The following CCDC38 variants were observed in gnomAD, a reference collection of about 807,000 sequenced individuals.
The protein encoded by CCDC38 is coiled-coil domain-containing protein 38.
A neutral mutation model predicts 72.8 loss-of-function variants in CCDC38; 69 were observed. The ratio of observed to expected loss-of-function variants is 0.95; its 90% CI spans 0.78 to 1.16. The LOEUF is 1.16. Ranked by LOEUF, CCDC38 falls within the 50% of genes most tolerant of loss-of-function variation. The pLI is 0.00. For missense variants in CCDC38, 626 were observed against 638.9 expected (o/e 0.98, Z 0.22); for synonymous variants, 201 against 213.2 (o/e 0.94, Z 0.50).
intron 2 of CCDC38, among the ~76,000 whole-genome samples, chr12:95,932,644 G>A (rs1424404307): frequency 6.6e-6 from 1 of 152,128 alleles, no homozygotes; most frequent in Non-Finnish European, 1.5e-5. Context: ...AATTAATAGA[G>A]AGATGAGTCA....
chr12:95,916,816 G>C (rs923958739), intron 4 of CCDC38, among the ~76,000 whole-genome samples: 6 of 152,088 alleles, frequency 3.9e-5, no homozygotes, highest in Non-Finnish European at 7.3e-5. Context: ...TTGACATCTA[G>C]AACTGAGTAT....
chr12:95,942,712 C>G (rs2080467062), upstream of CCDC38: 1 of 152,412 alleles, frequency 6.6e-6, no homozygotes, highest in South Asian at 2.1e-4. Flanking sequence ...CCTCCGCGTC[C>G]CGGGCTCCCG....
Position 95,897,764 on chromosome 12 carries a change from T to G in CCDC38, c.614+621A>C, listed in dbSNP as rs73229408. The stretch of plus-strand genomic sequence containing the variant: ...CTTTATAGATCTTAGTTTTTTATTT[T>G]TATTTATTTTTACTAAAGATGGGGT... On this transcript the variant is annotated intron_variant, in intron 7 of 15. Coordinates refer to ENST00000344280, the MANE Select transcript of CCDC38 (RefSeq NM_182496.3). Among the ~76,000 whole-genome samples the G allele has an allele frequency of 7.1e-3, 1,079 of 152,254 alleles. 6 individuals carry two copies. The highest frequency in any genetic ancestry group is 0.02 in the Middle Eastern group (6 of 294).
At chr12:95,890,594 A>G (rs566431588) in intron 9 of CCDC38, among the ~76,000 whole-genome samples, 4 of 152,234 alleles carry the variant, frequency 2.6e-5, no homozygotes, top group Non-Finnish European at 5.9e-5. Context: ...TGTGCTGGCC[A>G]GCCAGGGTAT....
At chr12:95,892,475 T>C (rs1015062009) in intron 8 of CCDC38, among the ~76,000 whole-genome samples, 6 of 151,502 alleles carry the variant, frequency 4.0e-5, no homozygotes, top group Admixed American at 3.3e-4. Flanking sequence ...GTAGAGACTA[T>C]GTCTCACTAT....
intron 13 of CCDC38, among the ~76,000 whole-genome samples, chr12:95,874,407 CT>C (rs1204132229): frequency 1.3e-5 from 2 of 152,036 alleles, no homozygotes; most frequent in East Asian, 1.9e-4. Flanking sequence ...CCCCCTCCCC[CT>C]TTTTTTCTTA....
intron 7 of CCDC38, 59 bp downstream of exon 7, chr12:95,898,326 T>G: frequency 1.3e-6 from 2 of 1,497,476 alleles, no homozygotes; most frequent in South Asian, 2.3e-5. Flanking sequence ...TTACCTGGCA[T>G]GAATAGGTTT....
intron 4 of CCDC38, among the ~76,000 whole-genome samples, chr12:95,909,658 C>A (rs1592786441): frequency 7.9e-6 from 1 of 125,806 alleles, no homozygotes; most frequent in Non-Finnish European, 1.9e-5. Context: ...CTCAAAAAAA[C>A]ACTAGCAAAC....
Position 95,895,034 on chromosome 12 carries a change from CCTGTGCT to C in CCDC38, c.720_726del (p.Ala241HisfsTer14). 2 of 1,611,624 alleles carry C rather than the reference CCTGTGCT, an allele frequency of 1.2e-6. No individual in the cohort carries two copies. Among genetic ancestry groups the C allele is most frequent in the Non-Finnish European group, 1.7e-6 (2 of 1,179,172 alleles). On this transcript the variant is annotated frameshift_variant, in exon 8 of 16. Coordinates refer to ENST00000344280, the MANE Select transcript of CCDC38 (RefSeq NM_182496.3). LOFTEE classifies it high-confidence loss of function. ...ATGATATTTGCTTTACTTTTTGATGCCTGTGCTCTTTTTAGTGCTTGCTGGATTTGCC... is the reference window on the plus strand; with the variant it reads ...ATGATATTTGCTTTACTTTTTGATGCCTTTTTAGTGCTTGCTGGATTTGCC...
chr12:95,932,301 G>A (rs2080346185), intron 2 of CCDC38, among the ~76,000 whole-genome samples: 1 of 152,106 alleles, frequency 6.6e-6, no homozygotes. Flanking sequence ...TCTGAAGGGA[G>A]AACCAACAGA....
At chr12:95,907,060 C>G (rs879915931) in intron 4 of CCDC38, among the ~76,000 whole-genome samples, 1 of 142,646 alleles carries the variant, frequency 7.0e-6, no homozygotes, top group African/African-American at 2.5e-5. Context: ...GTCTGTTTAA[C>G]AAAGCACATC....
chr12:95,883,001 A>G (rs960487634), intron 10 of CCDC38, among the ~76,000 whole-genome samples: 23 of 152,178 alleles, frequency 1.5e-4, no homozygotes, highest in African/African-American at 5.3e-4. Context: ...GCCATGCTAG[A>G]AATCTGGGCG....
In CCDC38 at chr12:95,939,063, T is replaced by C. The variant is rs1425759272; in HGVS notation, c.-14-2540A>G. Among the ~76,000 whole-genome samples the C allele has an allele frequency of 3.3e-5, 5 of 152,324 alleles. No homozygotes were observed. The East Asian group carries it at 9.6e-4, about 29-fold the overall frequency. ...ATGTCCCTTAATCCTCACACTTCAA[T>C]TTCCCCATCTTTCAAGAGGAATGAT... is the stretch of plus-strand genomic sequence containing the variant. On this transcript the variant is annotated intron_variant, in intron 1 of 15. Coordinates refer to ENST00000344280, the MANE Select transcript of CCDC38 (RefSeq NM_182496.3).
intron 7 of CCDC38, chr12:95,896,652 T>C (rs112905455): frequency 7.9e-5 from 12 of 152,184 alleles, no homozygotes; most frequent in Admixed American, 7.2e-4. Flanking sequence ...GAGGTGACAA[T>C]TGGCTGGAAA....
chr12:95,924,071 C>A (rs1420018673), intron 2 of CCDC38, among the ~76,000 whole-genome samples: 2 of 93,366 alleles, frequency 2.1e-5, no homozygotes, highest in Non-Finnish European at 4.0e-5. Flanking sequence ...AATGGGATGG[C>A]TGGGTCAAAT....
At chr12:95,932,433 T>G (rs1010281021) in intron 2 of CCDC38, among the ~76,000 whole-genome samples, 1 of 152,154 alleles carries the variant, frequency 6.6e-6, no homozygotes, top group African/African-American at 2.4e-5. Context: ...GGACTTGATT[T>G]TGTTTTTTCT....
chr12:95,907,613 T>G (rs2080023833), intron 4 of CCDC38, among the ~76,000 whole-genome samples: 1 of 137,934 alleles, frequency 7.2e-6, no homozygotes, highest in Non-Finnish European at 1.6e-5. Flanking sequence ...GACGGGTGGC[T>G]GCCGGGCGGA....
chr12:95,879,668 CT>C lies in CCDC38; in HGVS notation c.1117del (p.Arg373GlufsTer13). ...VDENLEEVNK[R>X]EKVIQDKTNS... ...CGTTTTATCCTGTATAACTTTTTCTCTTTTGTTTACCTCTTCAAGATTTTCA... is the reference window on the plus strand; with the variant it reads ...CGTTTTATCCTGTATAACTTTTTCTCTTTGTTTACCTCTTCAAGATTTTCA... On this transcript the variant is annotated frameshift_variant, in exon 12 of 16. Transcript: ENST00000344280. LOFTEE classifies it high-confidence loss of function. This position sits in a 1 kb window ranked among gnomAD's most constrained non-coding sequence, Gnocchi z 5.5. The C allele has an allele frequency of 6.3e-7, 1 of 1,597,066 alleles. No individual in the cohort carries two copies. The highest frequency in any genetic ancestry group is 8.6e-7 in the Non-Finnish European group (1 of 1,167,400).
intron 4 of CCDC38, among the ~76,000 whole-genome samples, chr12:95,911,506 G>A (rs751552482): frequency 6.6e-6 from 1 of 152,030 alleles, no homozygotes; most frequent in Admixed American, 6.5e-5. Flanking sequence ...AAAGACAAAG[G>A]CCTAATATCC....
Sources: gnomAD v4.1 joint callset for allele counts (sites outside exome capture counted in the v4.1 genomes callset) on GRCh38, gnomAD v4.1.1 for gene constraint, Gnocchi (gnomAD v3.1) non-coding constraint, MANE v1.5 for transcripts, NCBI Gene and HGNC (gene_info 2026-07-23, HGNC 2026-07-21) for gene names.